SHISAL1: variants seen among roughly 807,000 people sequenced by gnomAD.
The protein encoded by SHISAL1 is shisa like 1.
SHISAL1 carries 9 observed loss-of-function variants against 22.6 expected under a neutral mutation model. The ratio of observed to expected loss-of-function variants is 0.40; its 90% CI spans 0.24 to 0.70. The LOEUF is 0.70. Ranked by LOEUF, SHISAL1 falls within the 30% of genes least tolerant of loss-of-function variation. The pLI is 0.39. For synonymous variants in SHISAL1, 119 were observed against 115.4 expected (o/e 1.03, Z -0.20); for missense variants, 246 against 270.6 (o/e 0.91, Z 0.64).
chr22:44,295,020 C>T (rs900868101), intron 3 of SHISAL1, among the ~76,000 whole-genome samples: 6 of 152,150 alleles, frequency 3.9e-5, no homozygotes, highest in Non-Finnish European at 7.3e-5. Flanking sequence ...ATGAATTCAA[C>T]ACAATCTCAG....
chr22:44,258,021 T>C (rs2055096570), intron 4 of SHISAL1, among the ~76,000 whole-genome samples: 1 of 152,168 alleles, frequency 6.6e-6, no homozygotes, highest in African/African-American at 2.4e-5. Context: ...ACACCTGTAA[T>C]CACAGCTACT....
chr22:44,250,002 GT>G (rs1187970300), intron 4 of SHISAL1, among the ~76,000 whole-genome samples: 1 of 152,154 alleles, frequency 6.6e-6, no homozygotes, highest in Non-Finnish European at 1.5e-5. Context: ...GAATCAACAG[GT>G]TAATTAGTAG....
At chr22:44,309,058 A>G (rs544612696) in intron 1 of SHISAL1, among the ~76,000 whole-genome samples, 122 of 152,176 alleles carry the variant, frequency 8.0e-4, no homozygotes, top group Middle Eastern at 3.4e-3. Flanking sequence ...GTACGTCCAA[A>G]CTGAACCTGC....
At chr22:44,288,194 C>T (rs915230799) in intron 3 of SHISAL1, among the ~76,000 whole-genome samples, 1 of 152,310 alleles carries the variant, frequency 6.6e-6, no homozygotes, top group East Asian at 1.9e-4. Flanking sequence ...AAAACTGAGG[C>T]TCGGTGGAAT....
In SHISAL1 at chr22:44,310,630, C is replaced by G. The variant is rs893418354; in HGVS notation, c.-33+2121G>C. On this transcript the variant is annotated intron_variant, in intron 1 of 4. Transcript: ENST00000381176. This position sits in a 1 kb window ranked among gnomAD's most constrained non-coding sequence, Gnocchi z 4.0. ...GAACATTAGCAGCTGATCCATAAAC[C>G]GTTCTTATCCGATGTTGCCTACTCT... Among the ~76,000 whole-genome samples the G allele has an allele frequency of 6.6e-6, 1 of 152,168 alleles. No individual in the cohort carries two copies. The highest frequency in any genetic ancestry group is 6.5e-5 in the Admixed American group (1 of 15,268).
intron 4 of SHISAL1, among the ~76,000 whole-genome samples, chr22:44,272,050 G>T (rs928301242): frequency 6.6e-6 from 1 of 152,126 alleles, no homozygotes; most frequent in Admixed American, 6.5e-5. Context: ...AGCCGTGTGG[G>T]TCTCTCCCGG....
intron 4 of SHISAL1, among the ~76,000 whole-genome samples, chr22:44,261,722 C>T (rs926663434): frequency 2.6e-5 from 4 of 152,260 alleles, no homozygotes; most frequent in African/African-American, 4.8e-5. Flanking sequence ...TCTGCTCTCA[C>T]GGCAAACACG....
chr22:44,268,986 G>A (rs135420), intron 4 of SHISAL1, among the ~76,000 whole-genome samples: 76,070 of 151,780 alleles, frequency 0.5, 20,310 homozygotes, highest in Non-Finnish European at 0.61. Context: ...CCTTCATCCC[G>A]GGCTCCGACC....
intron 4 of SHISAL1, among the ~76,000 whole-genome samples, chr22:44,253,825 C>T (rs2055066327): frequency 7.9e-6 from 1 of 126,568 alleles, no homozygotes; most frequent in African/African-American, 3.4e-5. Flanking sequence ...GCCAAATAAT[C>T]TAACAACTGT....
chr22:44,245,767 T>C lies in SHISAL1; in HGVS notation c.*3918A>G, dbSNP rs566739660. ...TGACGGTGAACTGGAAACCATCTCC[T>C]GGCCAAAGAAGCCTGTTAACCCCTA... On this transcript the variant is annotated 3_prime_UTR_variant, in exon 5 of 5. Coordinates refer to ENST00000381176, the MANE Select transcript of SHISAL1 (RefSeq NM_001099294.2). 14 of 152,438 alleles carry C rather than the reference T, an allele frequency of 9.2e-5. No individual in the cohort carries two copies. Among genetic ancestry groups the C allele is most frequent in the African/African-American group, 3.4e-4 (14 of 41,582 alleles). 9.4% of individuals were successfully genotyped at this position (152,438 alleles called of 1,614,324 possible).
intron 2 of SHISAL1, among the ~76,000 whole-genome samples, chr22:44,297,952 C>G (rs1247784410): frequency 1.3e-5 from 2 of 152,218 alleles, no homozygotes; most frequent in African/African-American, 2.4e-5. Flanking sequence ...CACCTACCCA[C>G]CCGGGGCTGC....
chr22:44,258,158 T>C (rs1041592587), intron 4 of SHISAL1, among the ~76,000 whole-genome samples: 1 of 151,610 alleles, frequency 6.6e-6, no homozygotes, highest in African/African-American at 2.4e-5. Flanking sequence ...ATACAAAAAT[T>C]AGCCAGGTGT....
intron 4 of SHISAL1, among the ~76,000 whole-genome samples, chr22:44,265,900 C>T (rs551618736): frequency 6.6e-6 from 1 of 152,326 alleles, no homozygotes; most frequent in South Asian, 2.1e-4. Context: ...CTACTGGTGC[C>T]AGTAAGCCTC....
Position 44,244,091 on chromosome 22 carries a change from TAAAACGGGAAATGGGAAA to T in SHISAL1, c.*5576_*5593del, listed in dbSNP as rs1483548135. On this transcript the variant is annotated 3_prime_UTR_variant, in exon 5 of 5. Coordinates refer to ENST00000381176, the MANE Select transcript of SHISAL1 (RefSeq NM_001099294.2). ...TGACTGTGAGGTATGCCACTAGCTT[TAAAACGGGAAATGGGAAA>T]AATAGGAAGAAACTGCGTATGAGAA... 1 of 152,188 alleles carries T rather than the reference TAAAACGGGAAATGGGAAA, an allele frequency of 6.6e-6. No individual in the cohort carries two copies. Among genetic ancestry groups the T allele is most frequent in the Non-Finnish European group, 1.5e-5 (1 of 68,038 alleles). The allele number at this position is 152,188 out of a possible 1,614,324, so 9.4% of individuals were successfully genotyped here. A position where few individuals can be genotyped will look rare whatever the true frequency, so the allele number is the denominator to read the frequency against.
upstream of SHISAL1, among the ~76,000 whole-genome samples, chr22:44,314,297 C>A (rs2147314793): frequency 6.6e-6 from 1 of 152,214 alleles, no homozygotes; most frequent in Middle Eastern, 3.4e-3. Flanking sequence ...AGCAGAGAAA[C>A]AAAAGGGCTC....
rs540183618 is a variant in SHISAL1 at position 44,249,026 on chromosome 22, C to A, written c.*659G>T. The A allele has an allele frequency of 6.6e-6, 1 of 152,294 alleles. No homozygotes were observed. The highest frequency in any genetic ancestry group is 2.1e-4 in the South Asian group (1 of 4,822). The allele number at this position is 152,294 out of a possible 1,614,324, so 9.4% of individuals were successfully genotyped here. ...CGAATTCTGTAAGAAACAACCCTGA[C>A]TGGCATTTTCAAATCCCCAGTGCTC... is the stretch of plus-strand genomic sequence containing the variant. On this transcript the variant is annotated 3_prime_UTR_variant, in exon 5 of 5. Coordinates refer to ENST00000381176, the MANE Select transcript of SHISAL1 (RefSeq NM_001099294.2).
chr22:44,314,569 G>T (rs1259447989), upstream of SHISAL1, among the ~76,000 whole-genome samples: 2 of 152,154 alleles, frequency 1.3e-5, no homozygotes, highest in African/African-American at 4.8e-5. Flanking sequence ...GCACAACAAA[G>T]ACCAACCTGC....
At chr22:44,250,985 G>A (rs563800872) in intron 4 of SHISAL1, among the ~76,000 whole-genome samples, 1 of 152,300 alleles carries the variant, frequency 6.6e-6, no homozygotes, top group East Asian at 1.9e-4. Context: ...ATGTGTACAG[G>A]GGCTAAGGGT....
At chr22:44,257,570 C>T (rs1324044726) in intron 4 of SHISAL1, among the ~76,000 whole-genome samples, 2 of 152,206 alleles carry the variant, frequency 1.3e-5, no homozygotes, top group Non-Finnish European at 2.9e-5. Flanking sequence ...TTTCTGTAAA[C>T]CTAAAACTGC....
Sources: allele counts gnomAD v4.1 joint callset (sites outside exome capture counted in the v4.1 genomes callset), GRCh38; gene constraint gnomAD v4.1.1; non-coding constraint Gnocchi (gnomAD v3.1); transcripts MANE v1.5; gene names NCBI Gene and HGNC (gene_info 2026-07-23, HGNC 2026-07-21).